Variants in STIL observed in about 807,000 individuals in gnomAD.
STIL encodes SCL-interrupting locus protein.
In STIL, 55 loss-of-function variants were observed where a neutral mutation model predicts 110.1. The ratio of observed to expected loss-of-function variants is 0.50; its 90% CI spans 0.40 to 0.63. The LOEUF (loss-of-function observed/expected upper bound fraction) is 0.63. STIL is among the 20% of genes least tolerant of loss of function. The pLI, the probability that STIL is intolerant of heterozygous loss-of-function variation, is 0.00. For synonymous variants in STIL, 481 were observed against 530.0 expected (o/e 0.91, Z 1.27); for missense variants, 1,358 against 1,530.0 (o/e 0.89, Z 1.87).
Position 47,269,845 on chromosome 1 carries a change from G to A in STIL, c.2405C>T (p.Ala802Val), listed in dbSNP as rs779191973. 7 of 1,614,108 alleles carry A rather than the reference G, an allele frequency of 4.3e-6. No homozygotes were observed. Among genetic ancestry groups the A allele is most frequent in the Non-Finnish European group, 5.1e-6 (6 of 1,179,984 alleles). Reference sequence around the variant, plus strand: ...GTCAGGCTCTTGATCCTCACCTGCTGCATTCCAAAACAAGCTAGCACCTGG... The same window carrying A: ...GTCAGGCTCTTGATCCTCACCTGCTACATTCCAAAACAAGCTAGCACCTGG... ...VSTGASLFWN[A>V]AGEDQEPDSQ... Residue 802 changes from alanine (A) to valine (V), a missense_variant, in exon 14 of 17, where the codon GCA becomes GTA. Coordinates refer to ENST00000371877, the MANE Select transcript of STIL (RefSeq NM_001048166.1).
chr1:47,285,542 G>C (rs1186856406), intron 10 of STIL, among the ~76,000 whole-genome samples: 1 of 152,050 alleles, frequency 6.6e-6, no homozygotes, highest in African/African-American at 2.4e-5. Flanking sequence ...ACTACAACCT[G>C]TGCCTCTTGG....
rs868185407 is a variant in STIL at position 47,267,702 on chromosome 1, A to G, written c.2615+1933T>C. Reference sequence around the variant, plus strand: ...AAAAAAAAAAAAAATTTACTTTAGAATCCGTTTTTTGTTTTGTTTTGTTTT... The same window carrying G: ...AAAAAAAAAAAAAATTTACTTTAGAGTCCGTTTTTTGTTTTGTTTTGTTTT... On this transcript the variant is annotated intron_variant, in intron 14 of 16. Coordinates refer to ENST00000371877, the MANE Select transcript of STIL (RefSeq NM_001048166.1). 7.6e-3 allele frequency among the ~76,000 whole-genome samples: 581 copies of G among 76,756 alleles called. 3 individuals carry two copies. The highest frequency in any genetic ancestry group is 0.032 in the African/African-American group (556 of 17,310). 50.4% of individuals were successfully genotyped at this position (76,756 alleles called of 152,430 possible). A position where few individuals can be genotyped will look rare whatever the true frequency, so the allele number is the denominator to read the frequency against.
intron 3 of STIL, 53 bp from the exon 4 acceptor site, chr1:47,302,399 A>T: frequency 1.6e-6 from 2 of 1,244,066 alleles, no homozygotes; most frequent in Non-Finnish European, 2.3e-6. Context: ...TCTTAAAAAA[A>T]CCTCCTGCCA....
intron 12 of STIL, among the ~76,000 whole-genome samples, chr1:47,277,613 T>C (rs1333038195): frequency 6.6e-6 from 1 of 152,174 alleles, no homozygotes; most frequent in Non-Finnish European, 1.5e-5. Flanking sequence ...AGTAGTTAAG[T>C]TCAGTATATA....
chr1:47,288,082 T>C (rs1057021993), intron 9 of STIL, among the ~76,000 whole-genome samples: 2 of 148,142 alleles, frequency 1.4e-5, no homozygotes, highest in African/African-American at 4.9e-5. Context: ...TTAAAATATA[T>C]ATTTATATAA....
rs12132909 is a variant in STIL, at chr1:47,305,315, G to A, written c.45-319C>T. The A allele has an allele frequency of 0.31, 76,469 of 248,258 alleles. 12,486 individuals carry two copies. Among genetic ancestry groups the A allele is most frequent in the Middle Eastern group, 0.37 (245 of 656 alleles). The allele number at this position is 248,258 out of a possible 1,614,324, so 15.4% of individuals were successfully genotyped here. A position where few individuals can be genotyped will look rare whatever the true frequency, so the allele number is the denominator to read the frequency against. On this transcript the variant is annotated intron_variant, in intron 2 of 16. Coordinates refer to ENST00000371877, the MANE Select transcript of STIL (RefSeq NM_001048166.1). ...TACTTTTTGTATTTTTAGTAGAGAC[G>A]GGGTTTCGCCATGTGGGCAAGCTGG...
chr1:47,260,215 G>GATGA, intron 16 of STIL, 74 bp downstream of exon 16: 1 of 1,417,940 alleles, frequency 7.1e-7, no homozygotes, highest in Non-Finnish European at 9.5e-7. Flanking sequence ...TCTAGCCAAT[G>GATGA]ATGGGCAAAA....
rs1243802930 is a variant in STIL at position 47,293,533 on chromosome 1, C to G, written c.797G>C (p.Gly266Ala). The G allele has an allele frequency of 6.2e-7, 1 of 1,612,428 alleles. No homozygotes were observed. Among genetic ancestry groups the G allele is most frequent in the African/African-American group, 1.3e-5 (1 of 74,816 alleles). The part of the protein sequence containing the change: ...SLPLVGIWLS[G>A]ITHIYSPQVW... Reference sequence around the variant, plus strand: ...CTGAGGACTATAGATATGTGTAATTCCAGACAGCCAACTAAAAGAAAAAGA... The same window carrying G: ...CTGAGGACTATAGATATGTGTAATTGCAGACAGCCAACTAAAAGAAAAAGA... The change falls in exon 8 of 17, where the codon GGA (glycine) becomes GCA (alanine). Residue 266 changes from glycine (G) to alanine (A), a missense_variant. Coordinates refer to ENST00000371877, the MANE Select transcript of STIL (RefSeq NM_001048166.1).
In STIL at chr1:47,263,098, CACA is replaced by C; in HGVS notation, c.2631_2633del (p.Val878del). 5 of 1,614,078 alleles carry C rather than the reference CACA, an allele frequency of 3.1e-6. No homozygotes were observed. The highest frequency in any genetic ancestry group is 4.2e-6 in the Non-Finnish European group (5 of 1,179,988). On this transcript the variant is annotated inframe_deletion, in exon 15 of 17. Coordinates refer to ENST00000371877, the MANE Select transcript of STIL (RefSeq NM_001048166.1). ...ACACAGGTACATCAGGTTCTTTTCT[CACA>C]ACTAGAGAAGAGCTGCTGGGAAGGA...
intron 3 of STIL, among the ~76,000 whole-genome samples, chr1:47,303,725 C>A (rs1418647736): frequency 6.6e-6 from 1 of 152,206 alleles, no homozygotes; most frequent in Non-Finnish European, 1.5e-5. Flanking sequence ...AGTTGAACTT[C>A]CATAAGACTC....
intron 13 of STIL, among the ~76,000 whole-genome samples, chr1:47,270,668 A>ATTT (rs1644808678): frequency 1.9e-5 from 2 of 103,324 alleles, no homozygotes; most frequent in Non-Finnish European, 2.1e-5. Flanking sequence ...GTGTTTCCCA[A>ATTT]TCTTTTTTTT....
At chr1:47,276,559 G>C (rs988165687) in intron 12 of STIL, among the ~76,000 whole-genome samples, 42 of 151,770 alleles carry the variant, frequency 2.8e-4, no homozygotes, top group African/African-American at 1.0e-3. Flanking sequence ...TGTAATCCTA[G>C]CACTCTGGGA....
At chr1:47,294,477 G>A (rs1645584556) in intron 7 of STIL, among the ~76,000 whole-genome samples, 1 of 152,198 alleles carries the variant, frequency 6.6e-6, no homozygotes, top group South Asian at 2.1e-4. Flanking sequence ...TTGAGCCCAG[G>A]AGTTCCAGAC....
intron 13 of STIL, among the ~76,000 whole-genome samples, chr1:47,270,245 TATATATATATAC>T (rs1557722468): frequency 4.7e-5 from 4 of 85,646 alleles, no homozygotes; most frequent in African/African-American, 2.0e-4. Context: ...AAAAAAAATA[TATATATATATAC>T]ACACACACAC....
chr1:47,293,678 C>A, intron 7 of STIL, 134 bp from the exon 8 acceptor site: 1 of 663,354 alleles, frequency 1.5e-6, no homozygotes, highest in Non-Finnish European at 2.6e-6. Context: ...AATAAGAAAT[C>A]TAAAAACGTG....
At chr1:47,293,953 G>T (rs542392922) in intron 7 of STIL, among the ~76,000 whole-genome samples, 4 of 152,322 alleles carry the variant, frequency 2.6e-5, no homozygotes, top group East Asian at 1.9e-4. Flanking sequence ...TCACAGAGTT[G>T]CTGAGGATTA....
At position 47,287,455 on chromosome 1, in the gene STIL, C is replaced by A. The variant is rs965196487; in HGVS notation, c.1133+96G>T. 4 of 787,302 alleles carry A rather than the reference C, an allele frequency of 5.1e-6. No homozygotes were observed. The East Asian group carries it at 8.3e-5, about 16-fold the overall frequency. 48.8% of individuals were successfully genotyped at this position (787,302 alleles called of 1,614,324 possible). A position where few individuals can be genotyped will look rare whatever the true frequency, so the allele number is the denominator to read the frequency against. ...TTATGGTACATAAGATTTAAAAAAT[C>A]ATTTCATCAGAAATAATTTAGTTAT... On this transcript the variant is annotated intron_variant, in intron 10 of 16. Transcript: ENST00000371877.
intron 1 of STIL, among the ~76,000 whole-genome samples, chr1:47,310,809 A>G (rs1646100760): frequency 6.6e-6 from 1 of 152,182 alleles, no homozygotes; most frequent in African/African-American, 2.4e-5. Context: ...AAAAAACAGT[A>G]CTGCATGCAT....
Position 47,272,551 on chromosome 1 carries a change from C to T in STIL, c.2218-310G>A, listed in dbSNP as rs114437803. Among the ~76,000 whole-genome samples, 884 of 151,764 alleles carry T rather than the reference C, an allele frequency of 5.8e-3. 8 individuals carry two copies. Among genetic ancestry groups the T allele is most frequent in the African/African-American group, 0.02 (825 of 41,366 alleles). ...GCAGCCTCAACCTCCTGGGCTCAATCGATCCTCCCACCTCAGCCTCCTGGG... is the reference window on the plus strand; with the variant it reads ...GCAGCCTCAACCTCCTGGGCTCAATTGATCCTCCCACCTCAGCCTCCTGGG... On this transcript the variant is annotated intron_variant, in intron 12 of 16. Coordinates refer to ENST00000371877, the MANE Select transcript of STIL (RefSeq NM_001048166.1).
Sources: allele counts gnomAD v4.1 joint callset (sites outside exome capture counted in the v4.1 genomes callset), GRCh38; gene constraint gnomAD v4.1.1; transcripts MANE v1.5; gene names NCBI Gene and HGNC (gene_info 2026-07-23, HGNC 2026-07-21).